The following GOLGA6B variants were observed in gnomAD, a reference collection of about 807,000 sequenced individuals.
The protein encoded by GOLGA6B is golgin A6 family member B.
Under a neutral mutation model 63.0 loss-of-function variants are expected in GOLGA6B, and 11 were observed. That is an observed-to-expected ratio of 0.17 (90% CI 0.11 to 0.29). The LOEUF is 0.29. Among genes scored for constraint, GOLGA6B ranks in the 10% least tolerant of loss-of-function variants. The pLI is 1.00. For synonymous variants in GOLGA6B, 46 were observed against 232.6 expected (o/e 0.20, Z 7.30); for missense variants, 134 against 563.8 (o/e 0.24, Z 7.72).
intron 7 of GOLGA6B, among the ~76,000 whole-genome samples, chr15:72,660,645 C>T (rs2064591139): frequency 2.7e-5 from 3 of 109,118 alleles, no homozygotes; most frequent in African/African-American, 1.1e-4. Flanking sequence ...AAAAACATGT[C>T]TGCAAGCATT....
intron 7 of GOLGA6B, among the ~76,000 whole-genome samples, chr15:72,660,901 GT>G (rs2064592710): frequency 7.0e-6 from 1 of 142,840 alleles, no homozygotes; most frequent in African/African-American, 2.7e-5. Flanking sequence ...AACACTCGAT[GT>G]TTTTCATCTA....
chr15:72,661,228 T>A, intron 7 of GOLGA6B, 36 bp from the exon 8 acceptor site: 1 of 1,611,630 alleles, frequency 6.2e-7, no homozygotes, highest in South Asian at 1.1e-5. Context: ...CTGCCTGAGC[T>A]CCCCAGATCA....
Position 72,663,984 on chromosome 15 carries a change from A to G in GOLGA6B, c.1426-452A>G, listed in dbSNP as rs2740407. On this transcript the variant is annotated intron_variant, in intron 12 of 17. Transcript: ENST00000421285. The stretch of plus-strand genomic sequence containing the variant: ...AAGGAGGTATGGGGTTCTAGGCAAG[A>G]GAGGAAGCCTCTTAGGCCTGGAGCA... Among the ~76,000 whole-genome samples, 164 of 129,514 alleles carry G rather than the reference A, an allele frequency of 1.3e-3. 13 individuals carry two copies. The highest frequency in any genetic ancestry group is 0.011 in the East Asian group (46 of 4,066). 85.0% of individuals were successfully genotyped at this position (129,514 alleles called of 152,430 possible). A position where few individuals can be genotyped will look rare whatever the true frequency, so the allele number is the denominator to read the frequency against.
rs377048109 is a variant in GOLGA6B, at chr15:72,664,328, G to A, written c.1426-108G>A. The A allele has an allele frequency of 0.015, 17,611 of 1,212,106 alleles. 2,975 individuals carry two copies. In the African/African-American group the frequency reaches 0.2, roughly 13 times the overall value. The allele number at this position is 1,212,106 out of a possible 1,614,324, so 75.1% of individuals were successfully genotyped here. On this transcript the variant is annotated intron_variant, in intron 12 of 17. Coordinates refer to ENST00000421285, the MANE Select transcript of GOLGA6B (RefSeq NM_018652.5). ...GGGCAAAGCGGTGGCTGAGATGGCC[G>A]GCCAAAAGTTGCAGGAGACCCAGGG...
At position 72,669,480 on chromosome 15, in the gene GOLGA6B, T is replaced by A. The variant is rs533051451; in HGVS notation, c.*3138T>A. Among the ~76,000 whole-genome samples the A allele has an allele frequency of 6.6e-6, 1 of 151,414 alleles. No homozygotes were observed. Among genetic ancestry groups the A allele is most frequent in the African/African-American group, 2.4e-5 (1 of 41,378 alleles). On this transcript the variant is annotated 3_prime_UTR_variant, in exon 18 of 18. Transcript: ENST00000421285. ...TTTTCTTAGAATGACTTTTACCAGTTTATGAATTCTTGTAAACAGAATGTA... is the reference window on the plus strand; with the variant it reads ...TTTTCTTAGAATGACTTTTACCAGTATATGAATTCTTGTAAACAGAATGTA...
chr15:72,669,299 G>T lies in GOLGA6B; in HGVS notation c.*2957G>T, dbSNP rs149613678. Among the ~76,000 whole-genome samples the T allele has an allele frequency of 1.7e-4, 26 of 152,244 alleles. No homozygotes were observed. Among genetic ancestry groups the T allele is most frequent in the African/African-American group, 6.3e-4 (26 of 41,540 alleles). ...TTTATCTTAAAGAGTCATTTTAAAA[G>T]AATATAACTATTCATAAGTGTAACT... is the stretch of plus-strand genomic sequence containing the variant. On this transcript the variant is annotated 3_prime_UTR_variant, in exon 18 of 18. Transcript: ENST00000421285.
At chr15:72,665,317 G>A (rs879800256) in intron 14 of GOLGA6B, among the ~76,000 whole-genome samples, 50 of 88,430 alleles carry the variant, frequency 5.7e-4, no homozygotes, top group Non-Finnish European at 8.3e-4. Flanking sequence ...GCTGGAGCCA[G>A]TTCCCAGGAG....
intron 12 of GOLGA6B, among the ~76,000 whole-genome samples, chr15:72,663,522 C>CA (rs2064614059): frequency 8.7e-6 from 1 of 114,352 alleles, no homozygotes; most frequent in African/African-American, 3.0e-5. Context: ...ACAACAACAA[C>CA]AAAAAATTAG....
chr15:72,663,926 GT>G (rs1434141687), intron 12 of GOLGA6B, among the ~76,000 whole-genome samples: 1 of 130,492 alleles, frequency 7.7e-6, no homozygotes, highest in African/African-American at 2.6e-5. Flanking sequence ...AGTTTAAATG[GT>G]GGGAAGAAGG....
chr15:72,656,249 C>T (rs1459351465), intron 1 of GOLGA6B, among the ~76,000 whole-genome samples: 36 of 45,800 alleles, frequency 7.9e-4, no homozygotes, highest in African/African-American at 2.6e-3. Flanking sequence ...TTTTGGTCCC[C>T]GGCAGCTGCT....
intron 14 of GOLGA6B, among the ~76,000 whole-genome samples, 151 bp downstream of exon 14, chr15:72,665,186 C>T (rs2064630119): frequency 7.8e-6 from 1 of 128,404 alleles, no homozygotes; most frequent in Non-Finnish European, 1.6e-5. Context: ...CTGTGACCAA[C>T]AGGTGCACTC....
In GOLGA6B at chr15:72,663,360, GAC is replaced by G. The variant is rs1251842092; in HGVS notation, c.1425+257_1425+258del. Among the ~76,000 whole-genome samples, 3 of 125,866 alleles carry G rather than the reference GAC, an allele frequency of 2.4e-5. 1 individual carries two copies. The highest frequency in any genetic ancestry group is 8.4e-5 in the African/African-American group (3 of 35,692). 82.6% of individuals were successfully genotyped at this position (125,866 alleles called of 152,430 possible). ...TGGAGCCCCCAATCATAGGGGAAGA[GAC>G]AGTGGTACAAGAGGCTCCTTATCCA... On this transcript the variant is annotated intron_variant, in intron 12 of 17. Transcript: ENST00000421285.
rs746128423 is a variant in GOLGA6B at position 72,664,411 on chromosome 15, C to T, written c.1426-25C>T. Reference sequence around the variant, plus strand: ...GATGACCTGGCAACCTCCGTGCCTTCTCACTCTGTTTCCCGTCCCCTTAGG... The same window carrying T: ...GATGACCTGGCAACCTCCGTGCCTTTTCACTCTGTTTCCCGTCCCCTTAGG... On this transcript the variant is annotated intron_variant, in intron 12 of 17. Coordinates refer to ENST00000421285, the MANE Select transcript of GOLGA6B (RefSeq NM_018652.5). 11 of 1,320,830 alleles carry T rather than the reference C, an allele frequency of 8.3e-6. 3 individuals are homozygous for T. The highest frequency in any genetic ancestry group is 5.8e-5 in the Admixed American group (3 of 51,306). 81.8% of individuals were successfully genotyped at this position (1,320,830 alleles called of 1,614,324 possible).
rs561779681 is a variant in GOLGA6B, at chr15:72,669,242, C to G, written c.*2900C>G. The stretch of plus-strand genomic sequence containing the variant: ...ATTTAGAAAATGTGAAAATGTAAAT[C>G]AGCCCTATCCATAATATAGTTTCTC... On this transcript the variant is annotated 3_prime_UTR_variant, in exon 18 of 18. Transcript: ENST00000421285. 6.6e-6 allele frequency among the ~76,000 whole-genome samples: 1 copy of G among 152,248 alleles called. No individual in the cohort carries two copies. Among genetic ancestry groups the G allele is most frequent in the South Asian group, 2.1e-4 (1 of 4,832 alleles).
Position 72,664,156 on chromosome 15 carries a change from T to C in GOLGA6B, c.1426-280T>C, listed in dbSNP as rs1370743247. Among the ~76,000 whole-genome samples the C allele has an allele frequency of 2.3e-5, 3 of 129,862 alleles. 1 individual carries two copies. The highest frequency in any genetic ancestry group is 5.2e-5 in the Non-Finnish European group (3 of 57,544). The allele number at this position is 129,862 out of a possible 152,430, so 85.2% of individuals were successfully genotyped here. A position where few individuals can be genotyped will look rare whatever the true frequency, so the allele number is the denominator to read the frequency against. ...AGCTGAAGAGCCAAGGGTCTCAGAG[T>C]CTGCAGCAGCAGCGAGACTAGTACC... On this transcript the variant is annotated intron_variant, in intron 12 of 17. Transcript: ENST00000421285.
In GOLGA6B at chr15:72,664,426, G is replaced by T. The variant is rs548284627; in HGVS notation, c.1426-10G>T. On this transcript the variant is annotated splice_polypyrimidine_tract_variant and intron_variant, in intron 12 of 17. Coordinates refer to ENST00000421285, the MANE Select transcript of GOLGA6B (RefSeq NM_018652.5). ...TCCGTGCCTTCTCACTCTGTTTCCC[G>T]TCCCCTTAGGAGCACCTAGAAGCTG... 7.6e-6 allele frequency: 10 copies of T among 1,320,712 alleles called. 2 individuals carry two copies. The highest frequency in any genetic ancestry group is 7.3e-5 in the African/African-American group (5 of 68,626). 81.8% of individuals were successfully genotyped at this position (1,320,712 alleles called of 1,614,324 possible). A position where few individuals can be genotyped will look rare whatever the true frequency, so the allele number is the denominator to read the frequency against.
At chr15:72,661,108 C>T (rs2064593928) in intron 7 of GOLGA6B, among the ~76,000 whole-genome samples, 156 bp from the exon 8 acceptor site, 1 of 150,300 alleles carries the variant, frequency 6.7e-6, no homozygotes, top group Non-Finnish European at 1.5e-5. Flanking sequence ...TTCCCTCTCC[C>T]TTCCAACTTT....
rs369108064 is a variant in GOLGA6B at position 72,662,270 on chromosome 15, C to T, written c.866C>T (p.Ala289Val). Residue 289 changes from alanine (A) to valine (V), a missense_variant, in exon 11 of 18, where the codon GCG (alanine) becomes GTG (valine). By Grantham distance (64) the Ala-to-Val change is moderately conservative. Transcript: ENST00000421285. ...TTCTCAGCTAAGCCCCCATCCCTGG[C>T]GCCCCCAGCAGTGACCTCTGTGGTG... ...KNQMAKPPSL[A>V]PPAVTSVVEQ... 8.8e-5 allele frequency: 122 copies of T among 1,384,176 alleles called. 35 individuals carry two copies. The highest frequency in any genetic ancestry group is 7.9e-4 in the Middle Eastern group (3 of 3,808). 85.7% of individuals were successfully genotyped at this position (1,384,176 alleles called of 1,614,324 possible).
chr15:72,664,046 G>T (rs1192379392), intron 12 of GOLGA6B, among the ~76,000 whole-genome samples: 1 of 129,474 alleles, frequency 7.7e-6, no homozygotes, highest in South Asian at 2.9e-4. Context: ...AGAGCCCCAC[G>T]GTGCCCTCGC....
Sources: gnomAD v4.1 joint callset for allele counts (sites outside exome capture counted in the v4.1 genomes callset) on GRCh38, gnomAD v4.1.1 for gene constraint, MANE v1.5 for transcripts, NCBI Gene and HGNC (gene_info 2026-07-23, HGNC 2026-07-21) for gene names.